Variants in NXPE2 observed in about 807,000 individuals in gnomAD.
NXPE2 encodes NXPE family member 2.
In NXPE2, 34 loss-of-function variants were observed where a neutral mutation model predicts 34.4. The ratio of observed to expected loss-of-function variants is 0.99; its 90% CI spans 0.75 to 1.31. The LOEUF is 1.31. NXPE2 is among the 40% of genes most tolerant of loss of function. The probability of loss-of-function intolerance (pLI) is 0.00; values close to 1 mark genes in which losing one functional copy is unlikely to be tolerated. For missense variants in NXPE2, 649 were observed against 672.5 expected (o/e 0.97, Z 0.39); for synonymous variants, 235 against 231.3 (o/e 1.02, Z -0.15).
At chr11:114,485,999 G>A in the NXPE2 span, among the ~76,000 whole-genome samples, 15 of 152,120 alleles carry the variant, frequency 9.9e-5, no homozygotes, top group African/African-American at 2.9e-4. Flanking sequence ...ATTTTTGGGG[G>A]TATATGCTTA....
the NXPE2 span, among the ~76,000 whole-genome samples, chr11:114,639,575 C>T: frequency 1.5e-3 from 219 of 150,458 alleles, no homozygotes; most frequent in African/African-American, 5.0e-3. Context: ...AGGCCGGGAG[C>T]TGTAGACTGG....
At chr11:114,698,953 C>G (rs570164037) in intron 3 of NXPE2, among the ~76,000 whole-genome samples, 175 bp downstream of exon 3, 9 of 152,154 alleles carry the variant, frequency 5.9e-5, no homozygotes, top group Non-Finnish European at 8.8e-5. Flanking sequence ...TACAAGTCAC[C>G]CCTAGAACTA....
the NXPE2 span, among the ~76,000 whole-genome samples, chr11:114,573,208 CT>C: frequency 6.6e-6 from 1 of 152,110 alleles, no homozygotes; most frequent in African/African-American, 2.4e-5. Context: ...AAAAGGAGCT[CT>C]AAATCTTGAA....
At chr11:114,671,950 G>A in the NXPE2 span, among the ~76,000 whole-genome samples, 1 of 152,032 alleles carries the variant, frequency 6.6e-6, no homozygotes, top group Admixed American at 6.6e-5. Flanking sequence ...TTATGTTTCT[G>A]TAGGCTGTAC....
chr11:114,795,854 G>T, the NXPE2 span, among the ~76,000 whole-genome samples: 1 of 152,176 alleles, frequency 6.6e-6, no homozygotes, highest in Non-Finnish European at 1.5e-5. Context: ...TTTCAAAAGG[G>T]GCTAAGGCCA....
the NXPE2 span, among the ~76,000 whole-genome samples, chr11:114,619,856 G>A: frequency 0.2 from 30,707 of 150,614 alleles, 3,690 homozygotes; most frequent in African/African-American, 0.34. Context: ...AGTGTTACCC[G>A]CTGGATAACA....
chr11:114,701,493 A>G (rs1189735055), intron 3 of NXPE2, among the ~76,000 whole-genome samples: 2 of 152,168 alleles, frequency 1.3e-5, no homozygotes, highest in African/African-American at 2.4e-5. Context: ...CCAAATAGAC[A>G]TAAGTCCTTC....
chr11:114,475,329 C>T, the NXPE2 span, among the ~76,000 whole-genome samples: 1 of 146,716 alleles, frequency 6.8e-6, no homozygotes, highest in African/African-American at 2.5e-5. Context: ...CTACAAGCTC[C>T]GCCTCCCGGG....
chr11:114,755,510 G>A, the NXPE2 span, among the ~76,000 whole-genome samples: 1 of 152,104 alleles, frequency 6.6e-6, no homozygotes, highest in Non-Finnish European at 1.5e-5. Context: ...TCTCTGCCAG[G>A]AGACCAACAC....
chr11:114,647,052 C>G, the NXPE2 span, among the ~76,000 whole-genome samples: 1 of 152,206 alleles, frequency 6.6e-6, no homozygotes, highest in Non-Finnish European at 1.5e-5. Context: ...TCTCCTAAAG[C>G]ACACCTGCTT....
the NXPE2 span, among the ~76,000 whole-genome samples, chr11:114,642,973 G>A: frequency 3.9e-5 from 6 of 152,136 alleles, no homozygotes; most frequent in South Asian, 4.1e-4. Context: ...GCATGAGATC[G>A]TGGTTTTGTG....
the NXPE2 span, among the ~76,000 whole-genome samples, chr11:114,642,367 G>T: frequency 2.0e-5 from 3 of 151,928 alleles, no homozygotes; most frequent in African/African-American, 7.2e-5. Flanking sequence ...GTGGTTTGCT[G>T]CACTCATCAT....
the NXPE2 span, among the ~76,000 whole-genome samples, chr11:114,548,038 G>A: frequency 6.6e-6 from 1 of 151,114 alleles, no homozygotes; most frequent in Admixed American, 6.6e-5. Flanking sequence ...TAAAAAAAAG[G>A]GAAAGGAAAT....
chr11:114,606,106 G>A, the NXPE2 span, among the ~76,000 whole-genome samples: 1 of 151,786 alleles, frequency 6.6e-6, no homozygotes, highest in African/African-American at 2.4e-5. Flanking sequence ...GGTAGCCACT[G>A]TTATCTGGTG....
chr11:114,626,021 T>A, the NXPE2 span, among the ~76,000 whole-genome samples: 1 of 152,086 alleles, frequency 6.6e-6, no homozygotes, highest in Non-Finnish European at 1.5e-5. Flanking sequence ...GCTCAAAGGG[T>A]CCTACGCCCA....
the NXPE2 span, among the ~76,000 whole-genome samples, chr11:114,479,020 T>A: frequency 6.6e-6 from 1 of 152,116 alleles, no homozygotes; most frequent in Non-Finnish European, 1.5e-5. Context: ...TAGGATAATA[T>A]TGTGAAATGT....
At chr11:114,570,880 A>G in the NXPE2 span, 1 of 1,226,562 alleles carries the variant, frequency 8.2e-7, no homozygotes, top group Non-Finnish European at 1.1e-6. Flanking sequence ...CTGGCCTGCT[A>G]GTAGACAGTC....
chr11:114,551,544 C>G, the NXPE2 span: 2 of 330,036 alleles, frequency 6.1e-6, no homozygotes, highest in Non-Finnish European at 9.0e-6. Flanking sequence ...AAACTTAATT[C>G]ATCAGCATGT....
At chr11:114,756,246 G>A in the NXPE2 span, among the ~76,000 whole-genome samples, 3 of 152,150 alleles carry the variant, frequency 2.0e-5, no homozygotes, top group Non-Finnish European at 4.4e-5. Flanking sequence ...GAACAGAGAG[G>A]TTAAGAGCCA....
Sources: allele counts gnomAD v4.1 joint callset (sites outside exome capture counted in the v4.1 genomes callset), GRCh38; gene constraint gnomAD v4.1.1; transcripts MANE v1.5; gene names NCBI Gene and HGNC (gene_info 2026-07-23, HGNC 2026-07-21).